The following THSD7A variants were observed in gnomAD, a reference collection of about 807,000 sequenced individuals.
THSD7A encodes thrombospondin type-1 domain-containing protein 7A.
In THSD7A, 96 loss-of-function variants were observed where a neutral mutation model predicts 231.3. The ratio of observed to expected loss-of-function variants is 0.41; its 90% CI spans 0.35 to 0.49. THSD7A has a LOEUF of 0.49. THSD7A is among the 20% of genes least tolerant of loss of function. THSD7A has a pLI of 0.05. For missense variants in THSD7A, 2,290 were observed against 2,070.2 expected, an observed-to-expected ratio of 1.11 and a Z score of -2.06; for synonymous variants, 940 against 743.3, an observed-to-expected ratio of 1.26 and a Z score of -4.30.
At chr7:11,405,173 G>A in intron 22 of THSD7A, among the ~76,000 whole-genome samples, 1 of 145,604 alleles carries the variant, frequency 6.9e-6, no homozygotes. Flanking sequence ...TTTTTACGAA[G>A]GAATAAGTAA....
chr7:11,559,088 G>C (rs1789970441), intron 4 of THSD7A, among the ~76,000 whole-genome samples: 1 of 152,106 alleles, frequency 6.6e-6, no homozygotes, highest in African/African-American at 2.4e-5. Flanking sequence ...CTAGAAGCTG[G>C]GAACAGTCTC....
chr7:11,549,724 C>G, intron 4 of THSD7A, among the ~76,000 whole-genome samples: 1 of 151,910 alleles, frequency 6.6e-6, no homozygotes, highest in East Asian at 1.9e-4. Context: ...AGAAGCTGAA[C>G]AATGAGGACA....
chr7:11,724,481 T>C (rs1055099841), intron 1 of THSD7A, among the ~76,000 whole-genome samples: 1 of 151,906 alleles, frequency 6.6e-6, no homozygotes, highest in Non-Finnish European at 1.5e-5. Context: ...AGAATGTTAC[T>C]GTGGATCAAG....
chr7:11,773,657 A>G (rs1783309715), intron 1 of THSD7A, among the ~76,000 whole-genome samples: 1 of 152,174 alleles, frequency 6.6e-6, no homozygotes, highest in African/African-American at 2.4e-5. Context: ...TTCTTTTTTA[A>G]AAAATGTTTA....
intron 2 of THSD7A, among the ~76,000 whole-genome samples, chr7:11,622,382 T>C (rs1781340079): frequency 6.6e-6 from 1 of 152,088 alleles, no homozygotes; most frequent in South Asian, 2.1e-4. Context: ...AAATTCATGT[T>C]TTCCTCAGCC....
rs1330346487 is a variant in THSD7A at position 11,372,741 on chromosome 7, A to G, written c.*3053T>C. On this transcript the variant is annotated 3_prime_UTR_variant, in exon 28 of 28. Coordinates refer to ENST00000423059, the MANE Select transcript of THSD7A (RefSeq NM_015204.3). ...ACCCCCTCGGTGAGGTAAAAGTGTCAATAGAGAAGTTACTACTATATTCCC... is the reference window on the plus strand; with the variant it reads ...ACCCCCTCGGTGAGGTAAAAGTGTCGATAGAGAAGTTACTACTATATTCCC... 2 of 152,084 alleles carry G rather than the reference A, an allele frequency of 1.3e-5. No homozygotes were observed. Among genetic ancestry groups the G allele is most frequent in the Admixed American group, 1.3e-4 (2 of 15,244 alleles). The allele number at this position is 152,084 out of a possible 1,614,324, so 9.4% of individuals were successfully genotyped here.
chr7:11,760,659 G>A (rs886352749), intron 1 of THSD7A, among the ~76,000 whole-genome samples: 30 of 151,978 alleles, frequency 2.0e-4, no homozygotes, highest in African/African-American at 6.8e-4. Context: ...TTCATGGATG[G>A]TTTACAGTAA....
chr7:11,486,325 C>T (rs189173758), intron 6 of THSD7A, among the ~76,000 whole-genome samples: 65 of 152,232 alleles, frequency 4.3e-4, no homozygotes, highest in Non-Finnish European at 7.4e-4. Context: ...TATAGGAGTA[C>T]ATTAAACACG....
chr7:11,689,313 T>C (rs1780160621), intron 1 of THSD7A, among the ~76,000 whole-genome samples: 1 of 151,892 alleles, frequency 6.6e-6, no homozygotes, highest in African/African-American at 2.4e-5. Flanking sequence ...AAATGCTTTT[T>C]TCTTAACTGT....
chr7:11,563,503 G>A (rs1174935574), intron 4 of THSD7A, among the ~76,000 whole-genome samples: 1 of 152,074 alleles, frequency 6.6e-6, no homozygotes, highest in Non-Finnish European at 1.5e-5. Context: ...GGGATTACAG[G>A]TACACACCAC....
At chr7:11,599,096 C>T (rs1031159101) in intron 2 of THSD7A, among the ~76,000 whole-genome samples, 27 of 152,078 alleles carry the variant, frequency 1.8e-4, no homozygotes, top group Non-Finnish European at 3.5e-4. Flanking sequence ...TATTGTCACG[C>T]CCTGTGATTA....
chr7:11,827,943 G>T (rs756701216), intron 1 of THSD7A, among the ~76,000 whole-genome samples: 1 of 152,124 alleles, frequency 6.6e-6, no homozygotes, highest in Non-Finnish European at 1.5e-5. Context: ...GGAAGGCACT[G>T]TGTCTTCTGC....
chr7:11,792,364 T>C (rs1289293216), intron 1 of THSD7A, among the ~76,000 whole-genome samples: 1 of 151,982 alleles, frequency 6.6e-6, no homozygotes, highest in East Asian at 1.9e-4. Context: ...CCTTGATGGC[T>C]GCCCGTTGCA....
At chr7:11,522,037 T>C (rs992286420) in intron 6 of THSD7A, among the ~76,000 whole-genome samples, 1 of 152,150 alleles carries the variant, frequency 6.6e-6, no homozygotes, top group African/African-American at 2.4e-5. Context: ...GCTCTTTATG[T>C]CCTAAATCCA....
At chr7:11,714,352 T>C (rs1309362477) in intron 1 of THSD7A, among the ~76,000 whole-genome samples, 3 of 151,252 alleles carry the variant, frequency 2.0e-5, no homozygotes, top group Non-Finnish European at 3.0e-5. Flanking sequence ...TTTTAAAGTG[T>C]GTGCTCTGTG....
At chr7:11,739,702 T>A (rs900604765) in intron 1 of THSD7A, among the ~76,000 whole-genome samples, 2 of 151,894 alleles carry the variant, frequency 1.3e-5, no homozygotes, top group East Asian at 3.9e-4. Context: ...TAGATAGGCA[T>A]GAACCACAGC....
At chr7:11,668,033 A>G (rs10269818) in intron 1 of THSD7A, among the ~76,000 whole-genome samples, 75,018 of 152,044 alleles carry the variant, frequency 0.49, 18,604 homozygotes, top group Admixed American at 0.56. Flanking sequence ...TATTTCCAAG[A>G]TTAGGCTATG....
chr7:11,510,510 A>G (rs1156397850), intron 6 of THSD7A, among the ~76,000 whole-genome samples: 4 of 152,210 alleles, frequency 2.6e-5, no homozygotes, highest in African/African-American at 9.6e-5. Context: ...AGGAACATCG[A>G]TGAAAAAATC....
chr7:11,724,819 G>A (rs530943237), intron 1 of THSD7A, among the ~76,000 whole-genome samples: 37 of 152,036 alleles, frequency 2.4e-4, no homozygotes, highest in Admixed American at 1.2e-3. Flanking sequence ...AGATGTAACA[G>A]CTTAAAGCCA....
Sources: allele counts gnomAD v4.1 joint callset (sites outside exome capture counted in the v4.1 genomes callset), GRCh38; gene constraint gnomAD v4.1.1; transcripts MANE v1.5; gene names NCBI Gene and HGNC (gene_info 2026-07-23, HGNC 2026-07-21).